The following SLC24A1 variants were observed in gnomAD, a reference collection of about 807,000 sequenced individuals.
SLC24A1 encodes solute carrier family 24 member 1, also known as sodium/potassium/calcium exchanger 1.
SLC24A1 carries 52 observed loss-of-function variants against 88.1 expected under a neutral mutation model. The observed-to-expected ratio is 0.59, with a 90% CI of 0.47 to 0.74. SLC24A1 has a LOEUF of 0.74. Ranked by LOEUF, SLC24A1 falls within the 30% of genes least tolerant of loss-of-function variation. SLC24A1 has a pLI of 0.00. For synonymous variants in SLC24A1, 455 were observed against 498.0 expected (o/e 0.91, Z 1.15); for missense variants, 1,173 against 1,363.3 (o/e 0.86, Z 2.20).
In SLC24A1 at chr15:65,625,799, C is replaced by A. The variant is rs2074493123; in HGVS notation, c.1719C>A (p.Ile573=). ...ACATCCTTGACCTGATAATGCTCAT[C>A]CTCTTCTTCCTGGACAGCCTCATTG... is the stretch of plus-strand genomic sequence containing the variant. ...SFYILDLIML[I]LFFLDSLIAW... The change falls in exon 2 of 10, where the codon ATC becomes ATA. Residue 573 remains isoleucine, a synonymous_variant. Coordinates refer to ENST00000261892, the MANE Select transcript of SLC24A1 (RefSeq NM_004727.3). 6.2e-7 allele frequency: 1 copy of A among 1,614,066 alleles called. No individual in the cohort carries two copies. The highest frequency in any genetic ancestry group is 8.5e-7 in the Non-Finnish European group (1 of 1,179,904).
In SLC24A1 at chr15:65,625,705, C is replaced by T. The variant is rs779095435; in HGVS notation, c.1625C>T (p.Thr542Ile). 1.9e-6 allele frequency: 3 copies of T among 1,614,060 alleles called. 1 individual carries two copies. Among genetic ancestry groups the T allele is most frequent in the Middle Eastern group, 3.3e-4 (2 of 6,062 alleles). ...AVFNILFVIG[T>I]CSLFSREILN... ...TTCAACATTCTCTTTGTCATTGGCA[C>T]TTGTTCCCTCTTCTCCCGAGAGATC... Residue 542 changes from threonine to isoleucine, a missense_variant, in exon 2 of 10, where the codon ACT (threonine) becomes ATT (isoleucine). Thr to Ile is a moderately conservative substitution (Grantham distance 89, BLOSUM62 -1). Transcript: ENST00000261892.
intron 2 of SLC24A1, among the ~76,000 whole-genome samples, chr15:65,616,505 C>T (rs1282637580): frequency 1.3e-5 from 2 of 152,146 alleles, no homozygotes; most frequent in Non-Finnish European, 2.9e-5. Flanking sequence ...TTTCATGTGC[C>T]TCTTGGCTGC....
Position 65,650,873 on chromosome 15 carries a change from G to A in SLC24A1, c.2724G>A (p.Gln908=). Residue 908 remains glutamine (Q), a synonymous_variant, in exon 7 of 10, where the codon CAG becomes CAA. Coordinates refer to ENST00000261892, the MANE Select transcript of SLC24A1 (RefSeq NM_004727.3). This position sits in a 1 kb window ranked among gnomAD's most constrained non-coding sequence, Gnocchi z 4.1. ...ACTGGCCTGAAACCAGGCAGAAGCA[G>A]GCCATTTACCTCTTCCTTCTGCCCA... The part of the protein sequence containing the change: ...SLDWPETRQK[Q]AIYLFLLPIV... The A allele has an allele frequency of 6.2e-7, 1 of 1,614,002 alleles. No individual in the cohort carries two copies. The highest frequency in any genetic ancestry group is 8.5e-7 in the Non-Finnish European group (1 of 1,179,890).
At chr15:65,657,248 G>A (rs1458096733), downstream of SLC24A1, among the ~76,000 whole-genome samples, 1 of 152,134 alleles carries the variant, frequency 6.6e-6, no homozygotes, top group Admixed American at 6.5e-5. Flanking sequence ...CAAATTACAG[G>A]CTTAGTCTTT....
At chr15:65,628,797 A>G (rs1298324686) in intron 2 of SLC24A1, among the ~76,000 whole-genome samples, 1 of 152,256 alleles carries the variant, frequency 6.6e-6, no homozygotes, top group Non-Finnish European at 1.5e-5. Flanking sequence ...ACTGTGGGAA[A>G]TAAAAAGATT....
chr15:65,639,610 AC>A lies in SLC24A1; in HGVS notation c.1963del (p.Arg655GlufsTer28). On this transcript the variant is annotated frameshift_variant, in exon 4 of 10. Transcript: ENST00000261892. LOFTEE classifies it high-confidence loss of function. Reference sequence around the variant, plus strand: ...TCTTGCTCAGCTCCCGTCCTTGCTGACCCGAGGGAGCAGCTCGACCTCTCTG... The same window carrying A: ...TCTTGCTCAGCTCCCGTCCTTGCTGACCGAGGGAGCAGCTCGACCTCTCTG... ...NKKLKLPSLLTRGSSSTSLHN... is the reference protein window; with the variant it reads ...NKKLKLPSLLXRGSSSTSLHN... 1 of 1,609,894 alleles carries A rather than the reference AC, an allele frequency of 6.2e-7. No homozygotes were observed. Among genetic ancestry groups the A allele is most frequent in the South Asian group, 1.1e-5 (1 of 89,920 alleles).
Position 65,653,837 on chromosome 15 carries a change from G to A in SLC24A1, c.3058G>A (p.Val1020Ile), listed in dbSNP as rs375878760. ...GTTTCTTCAATCTTGCAGCTTGCCTGTTCCTTGGTTGCTTTTCTCTCTTAT... is the reference window on the plus strand; with the variant it reads ...GTTTCTTCAATCTTGCAGCTTGCCTATTCCTTGGTTGCTTTTCTCTCTTAT... ...NIFDITVGLP[V>I]PWLLFSLING... is the part of the protein sequence containing the mutation. The change falls in exon 10 of 10, where the codon GTT becomes ATT. Residue 1020 changes from valine (V) to isoleucine (I), a missense_variant. Transcript: ENST00000261892. The A allele has an allele frequency of 2.4e-4, 380 of 1,613,728 alleles. 2 individuals are homozygous for A. The highest frequency in any genetic ancestry group is 1.5e-3 in the Middle Eastern group (9 of 6,062).
At chr15:65,643,677 C>G (rs1719502315) in intron 4 of SLC24A1, among the ~76,000 whole-genome samples, 2 of 152,220 alleles carry the variant, frequency 1.3e-5, no homozygotes, top group African/African-American at 2.4e-5. Context: ...AGTTGCCTGT[C>G]CCGTGTTTCT....
chr15:65,651,973 A>G, intron 8 of SLC24A1: 1 of 555,532 alleles, frequency 1.8e-6, no homozygotes, highest in Non-Finnish European at 3.4e-6. Flanking sequence ...CATGGCATAG[A>G]AGGCCTTGGA....
downstream of SLC24A1, among the ~76,000 whole-genome samples, chr15:65,657,662 TAATC>T (rs1276514028): frequency 8.5e-5 from 13 of 152,242 alleles, no homozygotes; most frequent in Non-Finnish European, 1.6e-4. Flanking sequence ...AAAAAATAAA[TAATC>T]AGGAAGAATT....
rs1299195548 is a variant in SLC24A1 at position 65,625,742 on chromosome 15, C to G, written c.1662C>G (p.Thr554=). 6 of 1,613,946 alleles carry G rather than the reference C, an allele frequency of 3.7e-6. No individual in the cohort carries two copies. The highest frequency in any genetic ancestry group is 5.1e-6 in the Non-Finnish European group (6 of 1,179,900). Residue 554 remains threonine, a synonymous_variant, in exon 2 of 10, where the codon ACC becomes ACG. Transcript: ENST00000261892. Reference sequence around the variant, plus strand: ...TCTCCCGAGAGATCCTCAACCTCACCTGGTGGCCCTTATTCCGTGATGTCT... The same window carrying G: ...TCTCCCGAGAGATCCTCAACCTCACGTGGTGGCCCTTATTCCGTGATGTCT... ...SLFSREILNL[T]WWPLFRDVSF...
At chr15:65,623,722 A>T (rs992285127) in intron 1 of SLC24A1, among the ~76,000 whole-genome samples, 1 of 151,908 alleles carries the variant, frequency 6.6e-6, no homozygotes, top group Non-Finnish European at 1.5e-5. Flanking sequence ...CAGCTCAGGA[A>T]CCTGGGGGGC....
At chr15:65,645,501 T>G in intron 5 of SLC24A1, 111 bp from the exon 6 acceptor site, 1 of 802,382 alleles carries the variant, frequency 1.2e-6, no homozygotes, top group Non-Finnish European at 2.1e-6. Context: ...AAATAAACCT[T>G]CAGAAACCCT....
At position 65,625,541 on chromosome 15, in the gene SLC24A1, G is replaced by A; in HGVS notation, c.1461G>A (p.Lys487=). Residue 487 remains lysine, a synonymous_variant, in exon 2 of 10, where the codon AAG becomes AAA. Coordinates refer to ENST00000261892, the MANE Select transcript of SLC24A1 (RefSeq NM_004727.3). The part of the protein sequence containing the change: ...FVPALGVITD[K]LQISEDVAGA... ...CAGCCCTGGGTGTCATCACAGACAA[G>A]CTGCAGATCTCCGAGGATGTGGCAG... The A allele has an allele frequency of 6.2e-7, 1 of 1,614,044 alleles. No homozygotes were observed. Among genetic ancestry groups the A allele is most frequent in the Non-Finnish European group, 8.5e-7 (1 of 1,179,904 alleles).
chr15:65,637,762 G>T (rs1270503905), intron 2 of SLC24A1, among the ~76,000 whole-genome samples: 1 of 152,200 alleles, frequency 6.6e-6, no homozygotes, highest in African/African-American at 2.4e-5. Context: ...CCAGAGGAAG[G>T]TGACACTTAA....
chr15:65,660,269 T>C, downstream of SLC24A1: 4 of 1,533,854 alleles, frequency 2.6e-6, no homozygotes, highest in Non-Finnish European at 3.5e-6. Context: ...CTCTCTCCAT[T>C]ATTTCCCAGA....
At chr15:65,611,881 A>C (rs906327837) in intron 1 of SLC24A1, 1 of 152,322 alleles carries the variant, frequency 6.6e-6, no homozygotes. Flanking sequence ...GAAAAACCCC[A>C]AAACTGTAAT....
rs376099955 is a variant in SLC24A1 at position 65,624,286 on chromosome 15, G to A, written c.206G>A (p.Ser69Asn). 6.2e-7 allele frequency: 1 copy of A among 1,613,810 alleles called. No individual in the cohort carries two copies. Among genetic ancestry groups the A allele is most frequent in the Non-Finnish European group, 8.5e-7 (1 of 1,179,810 alleles). Residue 69 changes from serine (S) to asparagine (N), a missense_variant, in exon 2 of 10, where the codon AGT becomes AAT. By Grantham distance (46) the Ser-to-Asn change is conservative. Transcript: ENST00000261892. ...PIKLASRDLS[S>N]EEMMMMSSSP... ...AAACTGGCCAGTCGGGACCTCTCCA[G>A]TGAAGAGATGATGATGATGAGCAGC...
chr15:65,653,029 C>A, intron 9 of SLC24A1: 1 of 382,352 alleles, frequency 2.6e-6, no homozygotes, highest in Non-Finnish European at 4.6e-6. Context: ...CTGGAATTTA[C>A]AGATAAATTG....
Sources: gnomAD v4.1 joint callset for allele counts (sites outside exome capture counted in the v4.1 genomes callset) on GRCh38, gnomAD v4.1.1 for gene constraint, Gnocchi (gnomAD v3.1) non-coding constraint, MANE v1.5 for transcripts, NCBI Gene and HGNC (gene_info 2026-07-23, HGNC 2026-07-21) for gene names.